Variants in PREX1 observed in about 807,000 individuals in gnomAD.
PREX1 encodes the protein phosphatidylinositol-3,4,5-trisphosphate dependent Rac exchange factor 1.
PREX1 carries 41 observed loss-of-function variants against 198.3 expected under a neutral mutation model. The ratio of observed to expected loss-of-function variants is 0.21; its 90% CI spans 0.16 to 0.27. The LOEUF (loss-of-function observed/expected upper bound fraction) is 0.27, where lower values mean the gene tolerates loss of function less well. Among genes scored for constraint, PREX1 ranks in the 10% least tolerant of loss-of-function variants. PREX1 has a pLI of 1.00. For synonymous variants in PREX1, 843 were observed against 887.2 expected, an observed-to-expected ratio of 0.95 and a Z score of 0.89; for missense variants, 1,620 against 2,200.7, an observed-to-expected ratio of 0.74 and a Z score of 5.28.
rs184642062 is a variant in PREX1 at position 48,653,366 on chromosome 20, C to T, written c.2341G>A (p.Ala781Thr). 356 of 1,612,456 alleles carry T rather than the reference C, an allele frequency of 2.2e-4. 2 individuals are homozygous for T. In the East Asian group the frequency reaches 5.6e-3, roughly 25 times the overall value. ...CCGGTTTCCAGTAAACTTACCAGGG[C>T]CTCTTCGCGCCGACTCCGGAATGCC... ...FQAFRSRREE[A>T]LGLYQWIYHT... The change falls in exon 20 of 40, where the codon GCC (alanine) becomes ACC (threonine). Residue 781 changes from alanine (A) to threonine (T), a missense_variant. Coordinates refer to ENST00000371941, the MANE Select transcript of PREX1 (RefSeq NM_020820.4).
chr20:48,692,826 T>A (rs140408114), intron 7 of PREX1, 36 bp from the exon 8 acceptor site: 6 of 1,550,464 alleles, frequency 3.9e-6, no homozygotes, highest in Non-Finnish European at 5.3e-6. Flanking sequence ...CCCCTACACG[T>A]CACCTCCCAG....
At chr20:48,826,375 G>A (rs1381171110) in intron 1 of PREX1, among the ~76,000 whole-genome samples, 2 of 152,000 alleles carry the variant, frequency 1.3e-5, no homozygotes, top group Non-Finnish European at 2.9e-5. Flanking sequence ...TCACTTCCTA[G>A]GAGAGTAGGG....
At position 48,639,913 on chromosome 20, in the gene PREX1, A is replaced by G. The variant is rs1181143296; in HGVS notation, c.3776-19T>C. 6.2e-7 allele frequency: 1 copy of G among 1,613,390 alleles called. No individual in the cohort carries two copies. Among genetic ancestry groups the G allele is most frequent in the Admixed American group, 1.7e-5 (1 of 60,000 alleles). On this transcript the variant is annotated intron_variant, in intron 29 of 39. Transcript: ENST00000371941. ...TTAAACTCTGGGGCAGGAAAGTGGC[A>G]TGAGGGCCAGGGAAGGGACGGAGGT...
chr20:48,780,057 G>A (rs2090281321), intron 1 of PREX1, among the ~76,000 whole-genome samples: 1 of 152,212 alleles, frequency 6.6e-6, no homozygotes. Flanking sequence ...CTGGGTATCA[G>A]TATGGACACT....
the PREX1 span, among the ~76,000 whole-genome samples, chr20:48,872,925 G>A: frequency 6.6e-6 from 1 of 152,036 alleles, no homozygotes; most frequent in African/African-American, 2.4e-5. Flanking sequence ...CAATTTGCTG[G>A]GCACTCTGTT....
chr20:48,882,385 C>T, the PREX1 span, among the ~76,000 whole-genome samples: 3 of 151,180 alleles, frequency 2.0e-5, no homozygotes, highest in African/African-American at 4.9e-5. Context: ...GCCTGTAGTC[C>T]CAGCTACTCG....
intron 5 of PREX1, among the ~76,000 whole-genome samples, chr20:48,724,920 C>T (rs2090002907): frequency 3.3e-5 from 5 of 152,208 alleles, no homozygotes; most frequent in Admixed American, 3.3e-4. Flanking sequence ...ATCTAGGGAT[C>T]GAAGCCATGG....
At chr20:48,809,030 C>T (rs114794298) in intron 1 of PREX1, among the ~76,000 whole-genome samples, 1,575 of 152,270 alleles carry the variant, frequency 0.01, 33 homozygotes, top group African/African-American at 0.036. Flanking sequence ...GCTTCCTCAT[C>T]GACACAATAA....
In PREX1 at chr20:48,639,856, T is replaced by C. The variant is rs1419053360; in HGVS notation, c.3814A>G (p.Ser1272Gly). 1.2e-6 allele frequency: 2 copies of C among 1,613,860 alleles called. No homozygotes were observed. The highest frequency in any genetic ancestry group is 1.7e-6 in the Non-Finnish European group (2 of 1,179,954). The change falls in exon 30 of 40, where the codon AGC (serine) becomes GGC (glycine). Residue 1272 changes from serine (S) to glycine (G), a missense_variant. Physicochemically the swap from Ser to Gly is moderately conservative, Grantham distance 56. Coordinates refer to ENST00000371941, the MANE Select transcript of PREX1 (RefSeq NM_020820.4). The part of the protein sequence containing the change: ...QKEECTIRGR[S>G]LIQISIQEDP... Reference sequence around the variant, plus strand: ...TCCTGGATGCTAATCTGGATCAGGCTCCGGCCACGGATTGTACACTCTTCT... The same window carrying C: ...TCCTGGATGCTAATCTGGATCAGGCCCCGGCCACGGATTGTACACTCTTCT...
intron 1 of PREX1, among the ~76,000 whole-genome samples, chr20:48,768,930 C>T (rs2426097): frequency 0.072 from 11,010 of 152,116 alleles, 503 homozygotes; most frequent in South Asian, 0.19. Flanking sequence ...TGTAATTATC[C>T]TGCAACAGAA....
intron 2 of PREX1, among the ~76,000 whole-genome samples, chr20:48,746,746 T>G (rs903851200): frequency 8.9e-5 from 13 of 146,068 alleles, no homozygotes; most frequent in Non-Finnish European, 1.8e-4. Context: ...TGTATGAGAC[T>G]TCTACCTCAT....
chr20:48,652,655 C>A lies in PREX1; in HGVS notation c.2398G>T (p.Ala800Ser), dbSNP rs2089508580. ...TCCTCAGTGGAGGCCTCCTGACTGG[C>A]TCGTGCTTCCTGGGCATCCTCATGG... ...HTHEDAQEARASQEASTEDPS... is the reference protein window; with the variant it reads ...HTHEDAQEARSSQEASTEDPS... The change falls in exon 21 of 40, where the codon GCC (alanine) becomes TCC (serine). Residue 800 changes from alanine (A) to serine (S), a missense_variant. Physicochemically the swap from Ala to Ser is moderately conservative, Grantham distance 99 (BLOSUM62 1). Coordinates refer to ENST00000371941, the MANE Select transcript of PREX1 (RefSeq NM_020820.4). The A allele has an allele frequency of 6.2e-7, 1 of 1,613,716 alleles. No individual in the cohort carries two copies. Among genetic ancestry groups the A allele is most frequent in the East Asian group, 2.2e-5 (1 of 44,856 alleles).
At chr20:48,682,804 C>T (rs771197560) in intron 10 of PREX1, among the ~76,000 whole-genome samples, 3 of 152,182 alleles carry the variant, frequency 2.0e-5, no homozygotes, top group African/African-American at 4.8e-5. Context: ...GGGCTGTTTC[C>T]GCCGAGGCAA....
At chr20:48,787,013 C>T (rs2090316233) in intron 1 of PREX1, among the ~76,000 whole-genome samples, 1 of 151,258 alleles carries the variant, frequency 6.6e-6, no homozygotes, top group South Asian at 2.1e-4. Context: ...TCTCAGAAGC[C>T]CCCTTGAGCA....
chr20:48,677,355 G>A (rs148493456), intron 13 of PREX1, among the ~76,000 whole-genome samples: 20 of 149,606 alleles, frequency 1.3e-4, no homozygotes, highest in African/African-American at 4.7e-4. Context: ...CCACTCTTCC[G>A]AGAGGTGATA....
chr20:48,855,172 C>G, the PREX1 span, among the ~76,000 whole-genome samples: 1 of 152,188 alleles, frequency 6.6e-6, no homozygotes, highest in Non-Finnish European at 1.5e-5. Flanking sequence ...AAATCTCCTT[C>G]TTAAGCAGTT....
intron 1 of PREX1, among the ~76,000 whole-genome samples, chr20:48,792,619 T>A (rs1436316688): frequency 6.6e-6 from 1 of 152,084 alleles, no homozygotes; most frequent in African/African-American, 2.4e-5. Flanking sequence ...ACTATCTCCA[T>A]ACAAAAACTT....
At chr20:48,719,253 C>T (rs572377808) in intron 5 of PREX1, among the ~76,000 whole-genome samples, 2 of 152,198 alleles carry the variant, frequency 1.3e-5, no homozygotes, top group African/African-American at 4.8e-5. Context: ...AAGGCTCCTT[C>T]GAAGATGGGG....
intron 29 of PREX1, among the ~76,000 whole-genome samples, chr20:48,641,842 GGAAGGAAGGAAGGAAGGAAGGAAGGA>G (rs1394206941): frequency 0.08 from 1,174 of 14,752 alleles, 25 homozygotes; most frequent in Middle Eastern, 0.21. Context: ...GAGAGAGAGA[GGAAGGAAGGAAGGAAGGAAGGAAGGA>G]AGGAAGGAAG....
Sources: gnomAD v4.1 joint callset for allele counts (sites outside exome capture counted in the v4.1 genomes callset) on GRCh38, gnomAD v4.1.1 for gene constraint, MANE v1.5 for transcripts, NCBI Gene and HGNC (gene_info 2026-07-23, HGNC 2026-07-21) for gene names.